Variants in SLC25A48 observed in about 807,000 individuals in gnomAD.
The protein encoded by SLC25A48 is solute carrier family 25 member 48.
SLC25A48 carries 29 observed loss-of-function variants against 32.2 expected under a neutral mutation model. The ratio of observed to expected loss-of-function variants is 0.90; its 90% CI spans 0.67 to 1.23. The LOEUF (loss-of-function observed/expected upper bound fraction) is 1.23. SLC25A48 is among the 50% of genes most tolerant of loss of function. SLC25A48 has a pLI of 0.00. For synonymous variants in SLC25A48, 164 were observed against 172.3 expected (o/e 0.95, Z 0.38); for missense variants, 399 against 422.7 (o/e 0.94, Z 0.49).
At chr5:135,763,047 G>C (rs1163881009) in intron 3 of SLC25A48, among the ~76,000 whole-genome samples, 2 of 152,106 alleles carry the variant, frequency 1.3e-5, no homozygotes. Context: ...GCGTGAGGCT[G>C]TGTGTCAGTG....
intron 3 of SLC25A48, among the ~76,000 whole-genome samples, chr5:135,795,118 ATAT>A (rs1757136097): frequency 6.6e-6 from 1 of 151,790 alleles, no homozygotes; most frequent in South Asian, 2.1e-4. Flanking sequence ...CACTCCTGTG[ATAT>A]TGTTCCTAAC....
At chr5:135,762,134 G>A (rs952511856) in intron 3 of SLC25A48, among the ~76,000 whole-genome samples, 1 of 152,224 alleles carries the variant, frequency 6.6e-6, no homozygotes, top group Non-Finnish European at 1.5e-5. Context: ...TGTGGCTACT[G>A]AGCACTTGAA....
intron 1 of SLC25A48, among the ~76,000 whole-genome samples, chr5:135,628,542 A>T (rs1382515364): frequency 6.6e-6 from 1 of 152,110 alleles, no homozygotes; most frequent in Non-Finnish European, 1.5e-5. Context: ...TTCTGGAGAG[A>T]TCATCCCAGT....
chr5:135,707,809 C>G (rs1754556797), intron 3 of SLC25A48, among the ~76,000 whole-genome samples: 1 of 152,196 alleles, frequency 6.6e-6, no homozygotes, highest in Non-Finnish European at 1.5e-5. Flanking sequence ...GTCTCTTTCC[C>G]TCAGCTTGTC....
intron 3 of SLC25A48, among the ~76,000 whole-genome samples, chr5:135,652,913 A>G (rs1480003551): frequency 2.6e-5 from 4 of 152,204 alleles, no homozygotes; most frequent in African/African-American, 9.7e-5. Context: ...CCAATGCAAC[A>G]GTGTTGGGAA....
chr5:135,814,551 C>T (rs1757669615), intron 4 of SLC25A48, among the ~76,000 whole-genome samples: 3 of 152,154 alleles, frequency 2.0e-5, no homozygotes, highest in African/African-American at 7.2e-5. Context: ...TGTCCCTCTC[C>T]TTCTAGATGG....
chr5:135,715,059 A>T (rs1754759786), intron 3 of SLC25A48, among the ~76,000 whole-genome samples: 1 of 152,188 alleles, frequency 6.6e-6, no homozygotes, highest in Non-Finnish European at 1.5e-5. Flanking sequence ...CTGGGGCCGC[A>T]TTGGAGAGGC....
chr5:135,726,998 AC>A (rs1177556430), intron 3 of SLC25A48, among the ~76,000 whole-genome samples: 1 of 152,106 alleles, frequency 6.6e-6, no homozygotes, highest in Non-Finnish European at 1.5e-5. Flanking sequence ...AGCCTTTCTG[AC>A]AGGTGTGTAG....
chr5:135,727,539 C>T (rs892871244), intron 3 of SLC25A48, among the ~76,000 whole-genome samples: 13 of 151,740 alleles, frequency 8.6e-5, no homozygotes, highest in African/African-American at 2.4e-4. Context: ...TATAGTGTTT[C>T]GTTTTACACT....
At chr5:135,797,256 CT>C (rs1757207876) in intron 3 of SLC25A48, among the ~76,000 whole-genome samples, 1 of 151,854 alleles carries the variant, frequency 6.6e-6, no homozygotes, top group Non-Finnish European at 1.5e-5. Flanking sequence ...CATGATATTA[CT>C]CCCAATATCA....
chr5:135,802,883 G>T (rs181730733), intron 3 of SLC25A48: 29 of 151,398 alleles, frequency 1.9e-4, no homozygotes, highest in Admixed American at 1.3e-3. Context: ...GATATTATTT[G>T]TAATATTCTA....
At chr5:135,763,690 C>G (rs1294074760) in intron 3 of SLC25A48, among the ~76,000 whole-genome samples, 1 of 151,708 alleles carries the variant, frequency 6.6e-6, no homozygotes, top group Non-Finnish European at 1.5e-5. Flanking sequence ...CTTTGTCTTT[C>G]TCGAAGCCAA....
chr5:135,604,587 G>A (rs1240699209), intron 1 of SLC25A48, among the ~76,000 whole-genome samples: 1 of 152,148 alleles, frequency 6.6e-6, no homozygotes, highest in Non-Finnish European at 1.5e-5. Context: ...GTTTCAGTGG[G>A]TCCCACCCCA....
chr5:135,746,574 C>T (rs57132351), intron 3 of SLC25A48, among the ~76,000 whole-genome samples: 1,529 of 152,270 alleles, frequency 0.01, 34 homozygotes, highest in African/African-American at 0.035. Context: ...TGTGGGCACG[C>T]GTGAACCTTG....
intron 4 of SLC25A48, chr5:135,827,505 T>C (rs568839855): frequency 2.6e-5 from 4 of 152,360 alleles, no homozygotes; most frequent in East Asian, 1.9e-4. Context: ...ATTTGGAGTA[T>C]GATGGGAGTA....
At chr5:135,627,454 G>A (rs189515653) in intron 1 of SLC25A48, among the ~76,000 whole-genome samples, 4 of 152,216 alleles carry the variant, frequency 2.6e-5, no homozygotes, top group African/African-American at 7.2e-5. Flanking sequence ...TTTGACCTTC[G>A]ATCCTAGAAG....
chr5:135,682,943 T>G (rs552694642), intron 3 of SLC25A48, among the ~76,000 whole-genome samples: 13 of 152,312 alleles, frequency 8.5e-5, no homozygotes, highest in African/African-American at 3.1e-4. Context: ...TTATCAGGTC[T>G]GCTTATGAGA....
intron 3 of SLC25A48, chr5:135,652,330 A>T: frequency 2.2e-6 from 1 of 455,050 alleles, no homozygotes; most frequent in Non-Finnish European, 4.4e-6. Flanking sequence ...ATGAGAATAG[A>T]TATGTATTCT....
intron 3 of SLC25A48, among the ~76,000 whole-genome samples, chr5:135,748,688 C>A (rs1310807379): frequency 6.6e-6 from 1 of 151,880 alleles, no homozygotes; most frequent in Admixed American, 6.6e-5. Flanking sequence ...GGATCTTTTT[C>A]CTCTGTCACA....
Sources: allele counts gnomAD v4.1 joint callset (sites outside exome capture counted in the v4.1 genomes callset), GRCh38; gene constraint gnomAD v4.1.1; transcripts MANE v1.5; gene names NCBI Gene and HGNC (gene_info 2026-07-23, HGNC 2026-07-21).